ARID5B: variants seen among roughly 807,000 people sequenced by gnomAD.
ARID5B encodes the protein AT-rich interactive domain-containing protein 5B.
ARID5B carries 13 observed loss-of-function variants against 97.2 expected under a neutral mutation model. That is an observed-to-expected ratio of 0.13 (90% CI 0.09 to 0.21). The LOEUF (loss-of-function observed/expected upper bound fraction) is 0.21. Ranked by LOEUF, ARID5B falls within the 10% of genes least tolerant of loss-of-function variation. The pLI is 1.00. For synonymous variants in ARID5B, 556 were observed against 570.3 expected, an observed-to-expected ratio of 0.97 and a Z score of 0.36; for missense variants, 1,210 against 1,465.3, an observed-to-expected ratio of 0.83 and a Z score of 2.84.
At chr10:61,961,681 G>C (rs1490648892) in intron 3 of ARID5B, among the ~76,000 whole-genome samples, 3 of 152,170 alleles carry the variant, frequency 2.0e-5, no homozygotes, top group African/African-American at 7.2e-5. Flanking sequence ...TCAGTGGTTT[G>C]ATACCTAGCC....
At chr10:62,073,126 A>G (rs558148286) in intron 8 of ARID5B, among the ~76,000 whole-genome samples, 7 of 152,302 alleles carry the variant, frequency 4.6e-5, no homozygotes, top group African/African-American at 1.7e-4. Context: ...TCCAAACCAA[A>G]TCAGGATGAT....
chr10:62,045,203 T>C (rs1009058642), intron 4 of ARID5B, among the ~76,000 whole-genome samples: 15 of 152,220 alleles, frequency 9.9e-5, no homozygotes, highest in African/African-American at 3.6e-4. Context: ...TTTCTTTCAT[T>C]ACACCCATAA....
chr10:62,056,737 A>G (rs1042272859), intron 5 of ARID5B, among the ~76,000 whole-genome samples: 32 of 152,170 alleles, frequency 2.1e-4, no homozygotes, highest in African/African-American at 7.5e-4. Context: ...AGTCTAAAAG[A>G]AGCTGGCATA....
intron 3 of ARID5B, among the ~76,000 whole-genome samples, chr10:61,982,277 A>T (rs557286897): frequency 5.3e-4 from 80 of 152,224 alleles, no homozygotes; most frequent in Non-Finnish European, 7.9e-4. Flanking sequence ...GTGATTTTTT[A>T]AAAAAAGTCA....
intron 4 of ARID5B, among the ~76,000 whole-genome samples, chr10:62,031,960 C>G (rs750755124): frequency 2.0e-5 from 3 of 152,180 alleles, no homozygotes; most frequent in African/African-American, 4.8e-5. Context: ...ATGACCTCCT[C>G]TCTTGTCTAA....
intron 4 of ARID5B, among the ~76,000 whole-genome samples, chr10:62,029,872 T>C (rs1047854514): frequency 2.6e-5 from 4 of 152,198 alleles, no homozygotes; most frequent in African/African-American, 4.8e-5. Context: ...GAAATCTATG[T>C]CTCCTTTAAC....
At chr10:62,069,203 A>C (rs1397423349) in intron 7 of ARID5B, among the ~76,000 whole-genome samples, 1 of 152,256 alleles carries the variant, frequency 6.6e-6, no homozygotes, top group African/African-American at 2.4e-5. Flanking sequence ...AATTGGCAAC[A>C]CATCTCATGG....
chr10:62,084,045 A>G (rs573934721), intron 8 of ARID5B, among the ~76,000 whole-genome samples: 1 of 152,340 alleles, frequency 6.6e-6, no homozygotes, highest in East Asian at 1.9e-4. Flanking sequence ...TTCCAGTTTT[A>G]GCAGCTGTAA....
intron 2 of ARID5B, among the ~76,000 whole-genome samples, chr10:61,929,291 T>C (rs1844163724): frequency 3.9e-5 from 6 of 152,230 alleles, no homozygotes; most frequent in Admixed American, 3.9e-4. Flanking sequence ...CCTGGGATGT[T>C]CAGGGAAGAC....
intron 3 of ARID5B, among the ~76,000 whole-genome samples, chr10:61,955,927 A>G (rs190714835): frequency 6.6e-6 from 1 of 152,330 alleles, no homozygotes; most frequent in East Asian, 1.9e-4. Flanking sequence ...CTGGGATTAT[A>G]GGCCTGAGCC....
At chr10:62,089,528 CTTTTT>C (rs34423923) in intron 9 of ARID5B, among the ~76,000 whole-genome samples, 1 of 101,544 alleles carries the variant, frequency 9.8e-6, no homozygotes, top group Non-Finnish European at 2.0e-5. Flanking sequence ...CCTTCTTTTT[CTTTTT>C]TTTTTTTTTT....
At chr10:62,032,154 A>G (rs1293064582) in intron 4 of ARID5B, among the ~76,000 whole-genome samples, 5 of 152,144 alleles carry the variant, frequency 3.3e-5, no homozygotes, top group Non-Finnish European at 5.9e-5. Context: ...GTCTCTAAAA[A>G]TATAAAAATA....
intron 3 of ARID5B, among the ~76,000 whole-genome samples, chr10:61,962,928 CA>C (rs1838491520): frequency 6.6e-6 from 1 of 152,148 alleles, no homozygotes; most frequent in Non-Finnish European, 1.5e-5. Context: ...AAAGAAACTG[CA>C]GTGGTTTTTA....
intron 8 of ARID5B, among the ~76,000 whole-genome samples, chr10:62,080,458 A>G (rs926070402): frequency 6.6e-6 from 1 of 152,032 alleles, no homozygotes; most frequent in African/African-American, 2.4e-5. Context: ...CTCTTCTTCC[A>G]CTTTTATGGT....
intron 8 of ARID5B, among the ~76,000 whole-genome samples, chr10:62,074,705 C>T (rs530618881): frequency 3.9e-5 from 6 of 152,192 alleles, no homozygotes; most frequent in South Asian, 4.2e-4. Flanking sequence ...TTAATAGATA[C>T]GCAATTCAGA....
chr10:62,038,125 C>T (rs920844732), intron 4 of ARID5B, among the ~76,000 whole-genome samples: 9 of 152,106 alleles, frequency 5.9e-5, no homozygotes, highest in African/African-American at 2.2e-4. Context: ...TGTTTTAATA[C>T]CAGGTTTGTT....
intron 4 of ARID5B, among the ~76,000 whole-genome samples, chr10:62,048,024 G>A (rs926203644): frequency 6.6e-6 from 1 of 152,140 alleles, no homozygotes; most frequent in East Asian, 1.9e-4. Context: ...GATACCAAAG[G>A]CCTTTGGTTT....
At chr10:62,088,487 A>G (rs1840321915) in intron 9 of ARID5B, among the ~76,000 whole-genome samples, 1 of 152,184 alleles carries the variant, frequency 6.6e-6, no homozygotes, top group African/African-American at 2.4e-5. Flanking sequence ...CATGCCCAAG[A>G]GTGGAGCCTT....
At chr10:62,005,544 G>A (rs551106674) in intron 4 of ARID5B, among the ~76,000 whole-genome samples, 27 of 152,252 alleles carry the variant, frequency 1.8e-4, no homozygotes, top group Admixed American at 5.2e-4. Context: ...TGGAAAAGAC[G>A]AGTTTTCTAC....
Sources: gnomAD v4.1 joint callset for allele counts (sites outside exome capture counted in the v4.1 genomes callset) on GRCh38, gnomAD v4.1.1 for gene constraint, MANE v1.5 for transcripts, NCBI Gene and HGNC (gene_info 2026-07-23, HGNC 2026-07-21) for gene names.